The following TSNARE1 variants were observed in gnomAD, a reference collection of about 807,000 sequenced individuals.
The protein encoded by TSNARE1 is t-SNARE domain-containing protein 1.
A neutral mutation model predicts 62.0 loss-of-function variants in TSNARE1; 49 were observed. That is an observed-to-expected ratio of 0.79 (90% confidence interval 0.63 to 1.00). The LOEUF (loss-of-function observed/expected upper bound fraction) is 1.00. Among genes scored for constraint, TSNARE1 ranks in the 50% least tolerant of loss-of-function variants. The pLI, the probability that TSNARE1 is intolerant of heterozygous loss-of-function variation, is 0.00. For synonymous variants in TSNARE1, 328 were observed against 294.4 expected, an observed-to-expected ratio of 1.11 and a Z score of -1.17; for missense variants, 755 against 700.1, an observed-to-expected ratio of 1.08 and a Z score of -0.88.
At chr8:142,284,518 A>C (rs1172739185) in intron 10 of TSNARE1, 33 bp from the exon 11 acceptor site, 2 of 1,590,456 alleles carry the variant, frequency 1.3e-6, no homozygotes, top group Non-Finnish European at 1.7e-6. Flanking sequence ...CATCAGGAGC[A>C]GGGCTGTGGG....
At chr8:142,365,531 T>C (rs1363192317) in intron 1 of TSNARE1, among the ~76,000 whole-genome samples, 2 of 151,694 alleles carry the variant, frequency 1.3e-5, no homozygotes, top group Non-Finnish European at 2.9e-5. Context: ...TATTTGGGGA[T>C]CAAGGAGCAT....
At chr8:142,333,349 G>T (rs771178795) in intron 4 of TSNARE1, among the ~76,000 whole-genome samples, 1 of 152,226 alleles carries the variant, frequency 6.6e-6, no homozygotes, top group Non-Finnish European at 1.5e-5. Context: ...CTCCAGGCTC[G>T]CATTCAGGTG....
intron 12 of TSNARE1, chr8:142,271,551 G>A: frequency 2.2e-6 from 3 of 1,387,804 alleles, no homozygotes; most frequent in Non-Finnish European, 2.8e-6. Context: ...GTGGAGGCTG[G>A]GGAAGCAGGT....
chr8:142,252,956 G>A (rs551634120), intron 12 of TSNARE1, among the ~76,000 whole-genome samples: 44 of 152,322 alleles, frequency 2.9e-4, no homozygotes, highest in Non-Finnish European at 5.4e-4. Context: ...CGTCCACTCC[G>A]GCCCAGGTGT....
chr8:142,371,286 C>A (rs1015673194), intron 1 of TSNARE1, among the ~76,000 whole-genome samples: 1 of 152,116 alleles, frequency 6.6e-6, no homozygotes, highest in African/African-American at 2.4e-5. Flanking sequence ...ATACCAAATA[C>A]ATAAACTCTT....
At chr8:142,235,022 C>T (rs762109426) in intron 12 of TSNARE1, among the ~76,000 whole-genome samples, 39 of 152,110 alleles carry the variant, frequency 2.6e-4, no homozygotes, top group Admixed American at 9.2e-4. Context: ...GCAGAACAAA[C>T]GGAAAGAAAT....
At chr8:142,363,845 A>G (rs1196498849) in intron 1 of TSNARE1, among the ~76,000 whole-genome samples, 1 of 152,148 alleles carries the variant, frequency 6.6e-6, no homozygotes, top group East Asian at 1.9e-4. Flanking sequence ...AGACCGGGAT[A>G]CCCAATAGAT....
intron 10 of TSNARE1, among the ~76,000 whole-genome samples, chr8:142,288,569 G>C (rs1310628084): frequency 1.3e-5 from 2 of 152,264 alleles, no homozygotes; most frequent in African/African-American, 4.8e-5. Flanking sequence ...TTTGTAGTCA[G>C]TGCTGGTGCC....
chr8:142,258,337 G>T (rs774460312), intron 12 of TSNARE1, among the ~76,000 whole-genome samples: 2 of 152,162 alleles, frequency 1.3e-5, no homozygotes, highest in Non-Finnish European at 2.9e-5. Context: ...GCACGCACCC[G>T]CCCACTGCTG....
chr8:142,283,510 C>A (rs1822089102), intron 11 of TSNARE1, among the ~76,000 whole-genome samples: 1 of 139,314 alleles, frequency 7.2e-6, no homozygotes, highest in Admixed American at 7.2e-5. Flanking sequence ...GAGGCGGGAC[C>A]AGTGTCTGTC....
chr8:142,278,562 G>C (rs755216518), intron 11 of TSNARE1: 1 of 985,358 alleles, frequency 1.0e-6, no homozygotes, highest in Non-Finnish European at 1.2e-6. Flanking sequence ...TTGAGGAGGA[G>C]AGGAGGTGCG....
intron 2 of TSNARE1, among the ~76,000 whole-genome samples, chr8:142,353,796 T>G (rs1430132236): frequency 2.0e-5 from 3 of 151,818 alleles, no homozygotes; most frequent in African/African-American, 7.3e-5. Context: ...GAGGGAGACC[T>G]GCCCGCACAG....
chr8:142,394,018 C>T (rs1837726148), intron 1 of TSNARE1, among the ~76,000 whole-genome samples: 1 of 152,218 alleles, frequency 6.6e-6, no homozygotes, highest in Non-Finnish European at 1.5e-5. Context: ...AAAGCAAAAC[C>T]ATACAGGTTA....
intron 2 of TSNARE1, among the ~76,000 whole-genome samples, chr8:142,352,378 G>T (rs1834208307): frequency 6.6e-6 from 1 of 152,278 alleles, no homozygotes; most frequent in South Asian, 2.1e-4. Context: ...CGACACCCCT[G>T]GGTGCTGACA....
intron 12 of TSNARE1, among the ~76,000 whole-genome samples, chr8:142,229,904 T>C (rs1817022864): frequency 6.6e-6 from 1 of 152,184 alleles, no homozygotes; most frequent in Admixed American, 6.5e-5. Flanking sequence ...GTTTCTCTTC[T>C]TGGTACCTTA....
Position 142,217,364 on chromosome 8 carries a change from AAAGAAAGAAAAAAGG to A in TSNARE1, c.*12-5066_*12-5052del, listed in dbSNP as rs1385618119. On this transcript the variant is annotated intron_variant, in intron 13 of 13. Coordinates refer to ENST00000524325, the MANE Select transcript of TSNARE1 (RefSeq NM_145003.5). ...GAAAGAAAGAAAGAAAGAAAGAAAG[AAAGAAAGAAAAAAGG>A]GAAAGAAAGAAAAAGCAAGCAAGCA... is the stretch of plus-strand genomic sequence containing the variant. 2.8e-3 allele frequency among the ~76,000 whole-genome samples: 412 copies of A among 145,676 alleles called. 6 individuals are homozygous for A. The highest frequency in any genetic ancestry group is 9.2e-3 in the East Asian group (44 of 4,758).
chr8:142,343,833 G>GGAGGAGGGGAGAA (rs1832974834), intron 4 of TSNARE1, 133 bp downstream of exon 4: 1 of 675,506 alleles, frequency 1.5e-6, no homozygotes, highest in African/African-American at 2.2e-5. Context: ...GGAGGGGAGA[G>GGAGGAGGGGAGAA]GGGAAGGGGA....
chr8:142,233,483 G>A (rs971168947), intron 12 of TSNARE1, among the ~76,000 whole-genome samples: 1 of 152,188 alleles, frequency 6.6e-6, no homozygotes, highest in African/African-American at 2.4e-5. Context: ...GGGGATGCCA[G>A]GATGCCAACC....
At chr8:142,381,608 G>A (rs551815364) in intron 1 of TSNARE1, among the ~76,000 whole-genome samples, 1 of 152,212 alleles carries the variant, frequency 6.6e-6, no homozygotes, top group Admixed American at 6.5e-5. Context: ...CAGTGCTGAG[G>A]GGTCTGGAGT....
Sources: gnomAD v4.1 joint callset for allele counts (sites outside exome capture counted in the v4.1 genomes callset) on GRCh38, gnomAD v4.1.1 for gene constraint, MANE v1.5 for transcripts, NCBI Gene and HGNC (gene_info 2026-07-23, HGNC 2026-07-21) for gene names.